Variants in PTPRR observed in about 807,000 individuals in gnomAD.
The protein encoded by PTPRR is protein tyrosine phosphatase receptor type R, also known as receptor-type tyrosine-protein phosphatase R.
Under a neutral mutation model 77.2 loss-of-function variants are expected in PTPRR, and 38 were observed. The observed-to-expected ratio is 0.49, with a 90% confidence interval of 0.38 to 0.65. The LOEUF is 0.65. PTPRR is among the 30% of genes least tolerant of loss of function. The pLI, the probability that PTPRR is intolerant of heterozygous loss-of-function variation, is 0.00. For missense variants in PTPRR, 744 were observed against 799.2 expected (o/e 0.93, Z 0.83); for synonymous variants, 299 against 283.1 (o/e 1.06, Z -0.57).
At chr12:70,641,349 A>AT (rs1260964057) in intron 13 of PTPRR, among the ~76,000 whole-genome samples, 3 of 152,136 alleles carry the variant, frequency 2.0e-5, no homozygotes, top group Non-Finnish European at 4.4e-5. Flanking sequence ...TTGAGGCAAG[A>AT]TTTTCCCCTT....
chr12:70,794,222 T>G (rs1427242367), intron 2 of PTPRR, among the ~76,000 whole-genome samples: 2 of 152,232 alleles, frequency 1.3e-5, no homozygotes, highest in African/African-American at 4.8e-5. Flanking sequence ...AGGTGTTTGT[T>G]GCTTAACTCA....
chr12:70,688,091 C>T (rs1400536791), intron 8 of PTPRR, among the ~76,000 whole-genome samples: 1 of 152,166 alleles, frequency 6.6e-6, no homozygotes, highest in African/African-American at 2.4e-5. Flanking sequence ...CAATAAGAAC[C>T]TTGTATCTTA....
intron 2 of PTPRR, among the ~76,000 whole-genome samples, chr12:70,805,159 A>G (rs994496634): frequency 2.0e-5 from 3 of 152,038 alleles, no homozygotes; most frequent in Non-Finnish European, 4.4e-5. Flanking sequence ...AGCATTGTAT[A>G]AATATTTTAA....
chr12:70,726,559 A>G (rs1282376809), intron 6 of PTPRR, among the ~76,000 whole-genome samples: 1 of 148,962 alleles, frequency 6.7e-6, no homozygotes, highest in East Asian at 2.0e-4. Flanking sequence ...TATCAGTATC[A>G]TCATGGGATA....
intron 6 of PTPRR, among the ~76,000 whole-genome samples, chr12:70,715,276 G>T (rs1888981898): frequency 6.6e-6 from 1 of 152,094 alleles, no homozygotes; most frequent in Admixed American, 6.6e-5. Context: ...TACGAACAGG[G>T]TATGGGTCAC....
chr12:70,779,474 A>G (rs1891157439), intron 2 of PTPRR, among the ~76,000 whole-genome samples: 1 of 152,178 alleles, frequency 6.6e-6, no homozygotes, highest in South Asian at 2.1e-4. Context: ...CGGTCTTAAC[A>G]TCACTTCCTC....
chr12:70,899,741 A>G (rs1394589307), intron 1 of PTPRR, among the ~76,000 whole-genome samples: 1 of 151,362 alleles, frequency 6.6e-6, no homozygotes, highest in African/African-American at 2.4e-5. Flanking sequence ...AGCAAAAGAC[A>G]TAAAACTGTT....
At chr12:70,661,730 T>C (rs115873125) in intron 11 of PTPRR, among the ~76,000 whole-genome samples, 3,440 of 152,218 alleles carry the variant, frequency 0.023, 78 homozygotes, top group African/African-American at 0.04. Flanking sequence ...GTAAATGCCT[T>C]CCTATTCCAA....
At chr12:70,894,878 A>T (rs1008782666) in intron 1 of PTPRR, among the ~76,000 whole-genome samples, 3 of 151,724 alleles carry the variant, frequency 2.0e-5, no homozygotes, top group Non-Finnish European at 1.5e-5. Context: ...TGATTGTTTT[A>T]AAAAAGTTAT....
chr12:70,639,068 C>T lies in PTPRR; in HGVS notation c.*116G>A. On this transcript the variant is annotated 3_prime_UTR_variant, in exon 14 of 14. Transcript: ENST00000283228. ...CCAGTCTTCCACAATCCATGCCATA[C>T]ATGGGCTTCAGAGCTTCTCCTTCCT... The T allele has an allele frequency of 2.4e-6, 2 of 823,978 alleles. No homozygotes were observed. Among genetic ancestry groups the T allele is most frequent in the Non-Finnish European group, 3.9e-6 (2 of 508,566 alleles). 51.0% of individuals were successfully genotyped at this position (823,978 alleles called of 1,614,324 possible).
intron 3 of PTPRR, among the ~76,000 whole-genome samples, chr12:70,762,844 T>A (rs1266407837): frequency 1.3e-5 from 2 of 152,192 alleles, no homozygotes; most frequent in Admixed American, 1.3e-4. Flanking sequence ...CTTTGCTATG[T>A]CAGGTATTGT....
At position 70,902,860 on chromosome 12, in the gene PTPRR, C is replaced by A. The variant is rs1284370572; in HGVS notation, c.59-9883G>T. 2.6e-5 allele frequency among the ~76,000 whole-genome samples: 4 copies of A among 151,694 alleles called. No homozygotes were observed. The East Asian group carries it at 7.7e-4, about 29-fold the overall frequency. On this transcript the variant is annotated intron_variant, in intron 1 of 13. Coordinates refer to ENST00000283228, the MANE Select transcript of PTPRR (RefSeq NM_002849.4). ...AAGAACTTACCCATGTAACAAAACA[C>A]CCCCTGTACCCCCAATAACTTATGG...
chr12:70,675,305 AT>A (rs1269505510), intron 10 of PTPRR, among the ~76,000 whole-genome samples: 1 of 151,424 alleles, frequency 6.6e-6, no homozygotes, highest in Non-Finnish European at 1.5e-5. Context: ...TATGATTTGG[AT>A]TTTTTTCTAT....
chr12:70,716,044 A>T (rs1889015698), intron 6 of PTPRR, among the ~76,000 whole-genome samples: 1 of 152,180 alleles, frequency 6.6e-6, no homozygotes, highest in Non-Finnish European at 1.5e-5. Context: ...TGGGGGACTA[A>T]TAAATGTCCA....
chr12:70,686,709 C>T (rs1195482828), intron 8 of PTPRR, among the ~76,000 whole-genome samples: 1 of 152,140 alleles, frequency 6.6e-6, no homozygotes, highest in Non-Finnish European at 1.5e-5. Flanking sequence ...CTGAGGCCTC[C>T]AGCTGATAGC....
At chr12:70,669,064 T>C (rs566237472) in intron 10 of PTPRR, among the ~76,000 whole-genome samples, 33 of 152,268 alleles carry the variant, frequency 2.2e-4, no homozygotes, top group African/African-American at 7.7e-4. Flanking sequence ...ATTTAACATT[T>C]TGATGAATTA....
intron 2 of PTPRR, among the ~76,000 whole-genome samples, chr12:70,849,522 T>C (rs956046702): frequency 6.6e-6 from 1 of 152,194 alleles, no homozygotes; most frequent in African/African-American, 2.4e-5. Flanking sequence ...CTTCTTTCTG[T>C]AGTAACACAT....
At chr12:70,827,495 G>C (rs1366852667) in intron 2 of PTPRR, among the ~76,000 whole-genome samples, 2 of 151,902 alleles carry the variant, frequency 1.3e-5, no homozygotes, top group East Asian at 1.9e-4. Context: ...CACAGTGGAG[G>C]GGGTAAGGGA....
chr12:70,784,874 T>C (rs944855151), intron 2 of PTPRR, among the ~76,000 whole-genome samples: 8 of 152,216 alleles, frequency 5.3e-5, no homozygotes, highest in African/African-American at 1.9e-4. Flanking sequence ...GTGGCCTGAT[T>C]GGATTTGCAG....
Sources: allele counts gnomAD v4.1 joint callset (sites outside exome capture counted in the v4.1 genomes callset), GRCh38; gene constraint gnomAD v4.1.1; transcripts MANE v1.5; gene names NCBI Gene and HGNC (gene_info 2026-07-23, HGNC 2026-07-21).